Variants in UBE2E2 observed in about 807,000 individuals in gnomAD.
UBE2E2 encodes the protein ubiquitin conjugating enzyme E2 E2.
Under a neutral mutation model 24.7 loss-of-function variants are expected in UBE2E2, and 6 were observed. The observed-to-expected ratio is 0.24, with a 90% CI of 0.13 to 0.48. The LOEUF is 0.48. Among genes scored for constraint, UBE2E2 ranks in the 20% least tolerant of loss-of-function variants. The pLI is 0.99. For synonymous variants in UBE2E2, 104 were observed against 83.6 expected (o/e 1.24, Z -1.33); for missense variants, 169 against 245.0 (o/e 0.69, Z 2.07).
chr3:23,356,525 T>C (rs1695957148), intron 3 of UBE2E2, among the ~76,000 whole-genome samples: 1 of 152,150 alleles, frequency 6.6e-6, no homozygotes, highest in Admixed American at 6.5e-5. Context: ...TGAAAACTTA[T>C]CCCGAATTTA....
Position 23,491,955 on chromosome 3 carries a change from AAG to A in UBE2E2, c.228-7650_228-7649del, listed in dbSNP as rs201246743. On this transcript the variant is annotated intron_variant, in intron 3 of 5. Transcript: ENST00000396703. Reference sequence around the variant, plus strand: ...GGGGGACTTAGAGCAGAGGAGAAAAAAGAGGCATGGTCAAGGATGACTCTCAG... The same window carrying A: ...GGGGGACTTAGAGCAGAGGAGAAAAAAGGCATGGTCAAGGATGACTCTCAG... Among the ~76,000 whole-genome samples the A allele has an allele frequency of 7.7e-3, 1,176 of 152,302 alleles. 8 individuals carry two copies. The highest frequency in any genetic ancestry group is 0.014 in the Non-Finnish European group (931 of 68,018).
intron 3 of UBE2E2, among the ~76,000 whole-genome samples, chr3:23,346,219 T>C (rs1271836269): frequency 1.3e-5 from 2 of 152,224 alleles, no homozygotes; most frequent in African/African-American, 4.8e-5. Flanking sequence ...TTGTAGGACA[T>C]ACAACAATAG....
intron 3 of UBE2E2, among the ~76,000 whole-genome samples, chr3:23,226,712 C>T (rs1294818427): frequency 1.3e-5 from 2 of 152,106 alleles, no homozygotes; most frequent in East Asian, 3.9e-4. Flanking sequence ...CAGGTTGGCC[C>T]TCCTTCCCAT....
At chr3:23,470,978 T>C (rs1428701992) in intron 3 of UBE2E2, among the ~76,000 whole-genome samples, 1 of 152,188 alleles carries the variant, frequency 6.6e-6, no homozygotes, top group Non-Finnish European at 1.5e-5. Flanking sequence ...TAACCCTTTC[T>C]TCACACAAAA....
chr3:23,396,121 A>G (rs1697068396), intron 3 of UBE2E2, among the ~76,000 whole-genome samples: 1 of 151,544 alleles, frequency 6.6e-6, no homozygotes, highest in Admixed American at 6.6e-5. Flanking sequence ...ATATTTAGTT[A>G]TTTCACAAAT....
intron 3 of UBE2E2, among the ~76,000 whole-genome samples, chr3:23,352,582 A>G (rs1199728869): frequency 6.6e-6 from 1 of 152,240 alleles, no homozygotes; most frequent in Non-Finnish European, 1.5e-5. Context: ...AATGCAAACT[A>G]CCATCAGAGA....
intron 3 of UBE2E2, among the ~76,000 whole-genome samples, chr3:23,340,007 C>A (rs1045307013): frequency 7.9e-5 from 12 of 151,934 alleles, no homozygotes; most frequent in Admixed American, 2.0e-4. Flanking sequence ...TTGGATAATA[C>A]TGTGAATTTT....
intron 3 of UBE2E2, among the ~76,000 whole-genome samples, chr3:23,475,516 C>A (rs983277009): frequency 5.9e-5 from 9 of 151,988 alleles, no homozygotes; most frequent in African/African-American, 2.2e-4. Flanking sequence ...TCAGCTATAT[C>A]CTCACTGCTA....
chr3:23,359,665 A>G (rs1696060263), intron 3 of UBE2E2, among the ~76,000 whole-genome samples: 1 of 152,002 alleles, frequency 6.6e-6, no homozygotes, highest in South Asian at 2.1e-4. Flanking sequence ...ATTTCTAATG[A>G]TATGTCCTTA....
chr3:23,270,902 T>G (rs1301987046), intron 3 of UBE2E2: 3 of 456,182 alleles, frequency 6.6e-6, no homozygotes, highest in African/African-American at 4.0e-5. Flanking sequence ...TTGTCTAACA[T>G]TTATGAAATC....
At chr3:23,261,551 C>G (rs1316830553) in intron 3 of UBE2E2, among the ~76,000 whole-genome samples, 1 of 152,096 alleles carries the variant, frequency 6.6e-6, no homozygotes, top group Non-Finnish European at 1.5e-5. Flanking sequence ...GTTAATTATG[C>G]TGTACATTAG....
intron 3 of UBE2E2, among the ~76,000 whole-genome samples, chr3:23,485,132 T>C (rs1699336173): frequency 6.9e-6 from 1 of 144,764 alleles, no homozygotes; most frequent in Non-Finnish European, 1.5e-5. Context: ...TCTCGTTCTG[T>C]GACCCAAGCT....
chr3:23,426,935 T>C (rs1012731681), intron 3 of UBE2E2, among the ~76,000 whole-genome samples: 2 of 152,164 alleles, frequency 1.3e-5, no homozygotes, highest in Non-Finnish European at 2.9e-5. Flanking sequence ...CATATATATA[T>C]ACTTATCTAA....
intron 3 of UBE2E2, among the ~76,000 whole-genome samples, chr3:23,409,003 GA>G (rs1697435001): frequency 7.0e-6 from 1 of 143,496 alleles, no homozygotes; most frequent in Admixed American, 7.3e-5. Context: ...ATCCAAAGCA[GA>G]TTATTAATGA....
chr3:23,249,809 C>G lies in UBE2E2; in HGVS notation c.227+32497C>G, dbSNP rs183638402. ...TAGCTGGGACTACAGGCACCCGCCACCACACCTGGCTAATTTTTTTGTATT... is the reference window on the plus strand; with the variant it reads ...TAGCTGGGACTACAGGCACCCGCCAGCACACCTGGCTAATTTTTTTGTATT... On this transcript the variant is annotated intron_variant, in intron 3 of 5. Transcript: ENST00000396703. Among the ~76,000 whole-genome samples, 17 of 152,206 alleles carry G rather than the reference C, an allele frequency of 1.1e-4. No homozygotes were observed. The East Asian group carries it at 2.7e-3, about 24-fold the overall frequency.
intron 4 of UBE2E2, among the ~76,000 whole-genome samples, chr3:23,513,022 C>G (rs1398685301): frequency 6.6e-6 from 1 of 152,114 alleles, no homozygotes; most frequent in Non-Finnish European, 1.5e-5. Flanking sequence ...TTCCCCCATA[C>G]TTGGCCACTA....
At chr3:23,365,140 A>G (rs1696220529) in intron 3 of UBE2E2, among the ~76,000 whole-genome samples, 1 of 152,220 alleles carries the variant, frequency 6.6e-6, no homozygotes, top group Non-Finnish European at 1.5e-5. Context: ...AATAAGAGCC[A>G]CCTATGACAA....
At chr3:23,524,569 A>G (rs1036833245) in intron 4 of UBE2E2, among the ~76,000 whole-genome samples, 1 of 152,192 alleles carries the variant, frequency 6.6e-6, no homozygotes, top group African/African-American at 2.4e-5. Flanking sequence ...TCCCAAACCC[A>G]TATATTCTTT....
At chr3:23,203,175 CA>C (rs1157205313), upstream of UBE2E2, 2 of 985,606 alleles carry the variant, frequency 2.0e-6, no homozygotes, top group African/African-American at 3.5e-5. Context: ...TTCCAGGACT[CA>C]GGGGCAGCCA....
Sources: allele counts gnomAD v4.1 joint callset (sites outside exome capture counted in the v4.1 genomes callset), GRCh38; gene constraint gnomAD v4.1.1; transcripts MANE v1.5; gene names NCBI Gene and HGNC (gene_info 2026-07-23, HGNC 2026-07-21).